Variants in POLE observed in about 807,000 individuals in gnomAD.
The protein encoded by POLE is DNA polymerase epsilon, catalytic subunit, also known as DNA polymerase epsilon catalytic subunit A.
Under a neutral mutation model 279.2 loss-of-function variants are expected in POLE, and 188 were observed. That is an observed-to-expected ratio of 0.67 (90% CI 0.60 to 0.76). The LOEUF is 0.76. Ranked by LOEUF, POLE falls within the 30% of genes least tolerant of loss-of-function variation. POLE has a pLI of 0.00. For missense variants in POLE, 2,703 were observed against 3,016.7 expected (o/e 0.90, Z 2.44); for synonymous variants, 1,214 against 1,172.5 (o/e 1.04, Z -0.72).
At chr12:132,643,743 C>T (rs2138556332) in intron 33 of POLE, 94 bp downstream of exon 33, 2 of 1,489,766 alleles carry the variant, frequency 1.3e-6, no homozygotes, top group Non-Finnish European at 1.8e-6. Context: ...ACTGTCGCTG[C>T]TGTTCCCCAG....
Position 132,659,285 on chromosome 12 carries a change from G to T in POLE, c.3275+10C>A, listed in dbSNP as rs1565955808. 1.2e-6 allele frequency: 2 copies of T among 1,612,326 alleles called. No individual in the cohort carries two copies. The highest frequency in any genetic ancestry group is 8.5e-7 in the Non-Finnish European group (1 of 1,179,154). ...AGCCCTCACCTCTCCGTGATGGGGGGAGCCCTCACCTCTCCGTGACAGGGG... is the reference window on the plus strand; with the variant it reads ...AGCCCTCACCTCTCCGTGATGGGGGTAGCCCTCACCTCTCCGTGACAGGGG... On this transcript the variant is annotated intron_variant, in intron 26 of 48. Transcript: ENST00000320574.
At chr12:132,683,400 G>A (rs1332373207) in intron 1 of POLE, among the ~76,000 whole-genome samples, 4 of 151,996 alleles carry the variant, frequency 2.6e-5, no homozygotes, top group African/African-American at 4.8e-5. Flanking sequence ...ATTCTCCCCC[G>A]GGAACCATCA....
chr12:132,635,503 T>C (rs2042013140), intron 42 of POLE, among the ~76,000 whole-genome samples: 2 of 152,238 alleles, frequency 1.3e-5, no homozygotes, highest in Non-Finnish European at 2.9e-5. Flanking sequence ...ATGCCCAAGT[T>C]GCCTGGCTCT....
rs772081320 is a variant in POLE at position 132,634,406 on chromosome 12, GTT to G, written c.5812-30_5812-29del. The stretch of plus-strand genomic sequence containing the variant: ...GTAACACATGAGACAACGCGGCTGT[GTT>G]TGCACCATCGCGGCCTGGTAGAGGG... On this transcript the variant is annotated intron_variant, in intron 42 of 48. Coordinates refer to ENST00000320574, the MANE Select transcript of POLE (RefSeq NM_006231.4). The surrounding 1 kb of genome is among the most constrained non-coding windows in gnomAD (Gnocchi z 4.0). 1.9e-6 allele frequency: 3 copies of G among 1,599,440 alleles called. No homozygotes were observed. The highest frequency in any genetic ancestry group is 2.6e-6 in the Non-Finnish European group (3 of 1,169,260).
rs1221484590 is a variant in POLE at position 132,668,782 on chromosome 12, C to T, written c.1923+29G>A. ...ACTTAGGGCTGGGCAGAGAGAGCTC[C>T]GACTCTGACACGGGAAGTAAAGTCT... is the stretch of plus-strand genomic sequence containing the variant. On this transcript the variant is annotated intron_variant, in intron 17 of 48. Coordinates refer to ENST00000320574, the MANE Select transcript of POLE (RefSeq NM_006231.4). The surrounding 1 kb of genome is among the most constrained non-coding windows in gnomAD (Gnocchi z 4.0). 21 of 1,613,546 alleles carry T rather than the reference C, an allele frequency of 1.3e-5. No homozygotes were observed. Among genetic ancestry groups the T allele is most frequent in the Non-Finnish European group, 1.7e-5 (20 of 1,179,648 alleles).
chr12:132,673,852 G>A (rs2042985951), intron 12 of POLE, 145 bp from the exon 13 acceptor site: 2 of 834,128 alleles, frequency 2.4e-6, no homozygotes, highest in Non-Finnish European at 1.9e-6. Flanking sequence ...CCCACATGGT[G>A]TAGACACCTT....
rs754779082 is a variant in POLE, at chr12:132,676,659, G to A, written c.802-6C>T. The A allele has an allele frequency of 3.8e-6, 6 of 1,595,158 alleles. No individual in the cohort carries two copies. The highest frequency in any genetic ancestry group is 2.6e-6 in the Non-Finnish European group (3 of 1,163,032). ...AATGCCAAAACCACAGGGTCCTGTG[G>A]GGACAAAATAAGCATAAAGCCAAGC... On this transcript the variant is annotated splice_region_variant and splice_polypyrimidine_tract_variant and intron_variant, in intron 8 of 48. Coordinates refer to ENST00000320574, the MANE Select transcript of POLE (RefSeq NM_006231.4).
intron 1 of POLE, among the ~76,000 whole-genome samples, chr12:132,682,959 A>T (rs2043199764): frequency 6.6e-6 from 1 of 152,130 alleles, no homozygotes; most frequent in Non-Finnish European, 1.5e-5. Context: ...TCTAAAAAAA[A>T]AATAAAATAA....
chr12:132,625,799 C>T, intron 46 of POLE, 29 bp from the exon 47 acceptor site: 1 of 1,602,040 alleles, frequency 6.2e-7, no homozygotes, highest in Non-Finnish European at 8.5e-7. Context: ...CGAGAGGTCA[C>T]CAGCCCAGCC....
At chr12:132,659,787 G>A (rs1471239227) in intron 25 of POLE, 1 of 368,062 alleles carries the variant, frequency 2.7e-6, no homozygotes, top group Non-Finnish European at 5.0e-6. Context: ...CCCCTCCTGG[G>A]TTCAAGAGAT....
intron 37 of POLE, 30 bp from the exon 38 acceptor site, chr12:132,642,427 C>A (rs1284838415): frequency 6.3e-7 from 1 of 1,592,442 alleles, no homozygotes; most frequent in Non-Finnish European, 8.6e-7. Context: ...AGCACCGGGG[C>A]ACATCGCCGG....
At chr12:132,654,343 G>A (rs2042488034) in intron 29 of POLE, among the ~76,000 whole-genome samples, 1 of 152,052 alleles carries the variant, frequency 6.6e-6, no homozygotes, top group Non-Finnish European at 1.5e-5. Context: ...TGAGAGCTGG[G>A]ATTACAGGTG....
intron 23 of POLE, among the ~76,000 whole-genome samples, chr12:132,662,959 T>C (rs574865371): frequency 2.0e-5 from 3 of 152,272 alleles, no homozygotes; most frequent in Admixed American, 6.5e-5. Context: ...AGGATCCCAA[T>C]TGATACAGTA....
Position 132,643,986 on chromosome 12 carries a change from A to G in POLE, c.4150-9T>C. 1 of 1,610,922 alleles carries G rather than the reference A, an allele frequency of 6.2e-7. No individual in the cohort carries two copies. The highest frequency in any genetic ancestry group is 8.5e-7 in the Non-Finnish European group (1 of 1,177,376). ...GGAAGGACCCGATTTACCTGGCGAG[A>G]ATACGACGATGATCTCGTCACTGGG... On this transcript the variant is annotated splice_polypyrimidine_tract_variant and intron_variant, in intron 32 of 48. Coordinates refer to ENST00000320574, the MANE Select transcript of POLE (RefSeq NM_006231.4).
intron 39 of POLE, chr12:132,641,284 A>G: frequency 2.6e-6 from 1 of 378,388 alleles, no homozygotes; most frequent in South Asian, 2.1e-5. Context: ...CAGCAGACCG[A>G]CGGCTCCTGA....
intron 38 of POLE, among the ~76,000 whole-genome samples, 155 bp from the exon 39 acceptor site, chr12:132,642,006 C>A (rs756146236): frequency 6.6e-6 from 1 of 152,206 alleles, no homozygotes; most frequent in Non-Finnish European, 1.5e-5. Context: ...TTCCCGAGGG[C>A]ACAGGAGGCC....
chr12:132,656,128 G>A (rs2042530675), intron 29 of POLE, among the ~76,000 whole-genome samples: 1 of 151,784 alleles, frequency 6.6e-6, no homozygotes. Flanking sequence ...TAGGCATGGT[G>A]GTGTGTGCCT....
intron 1 of POLE, 82 bp from the exon 2 acceptor site, chr12:132,681,361 T>TG (rs556935250): frequency 9.0e-6 from 13 of 1,445,556 alleles, no homozygotes; most frequent in African/African-American, 1.4e-5. Context: ...TCTTTTTTTT[T>TG]GAGACGGAGT....
At chr12:132,658,148 A>G in intron 26 of POLE, 178 bp from the exon 27 acceptor site, 1 of 507,360 alleles carries the variant, frequency 2.0e-6, no homozygotes, top group Non-Finnish European at 3.4e-6. Flanking sequence ...TCGGGGAGTA[A>G]CACGTGCGTA....
Sources: gnomAD v4.1 joint callset for allele counts (sites outside exome capture counted in the v4.1 genomes callset) on GRCh38, gnomAD v4.1.1 for gene constraint, Gnocchi (gnomAD v3.1) non-coding constraint, MANE v1.5 for transcripts, NCBI Gene and HGNC (gene_info 2026-07-23, HGNC 2026-07-21) for gene names.